PAG1: variants seen among roughly 807,000 people sequenced by gnomAD.
PAG1 encodes phosphoprotein associated with glycosphingolipid-enriched microdomains 1.
PAG1 carries 23 observed loss-of-function variants against 31.7 expected under a neutral mutation model. That is an observed-to-expected ratio of 0.73 (90% CI 0.52 to 1.03). The LOEUF is 1.03. PAG1 is among the 50% of genes least tolerant of loss of function. PAG1 has a pLI of 0.00. For missense variants in PAG1, 473 were observed against 540.7 expected, an observed-to-expected ratio of 0.87 and a Z score of 1.24; for synonymous variants, 214 against 210.3, an observed-to-expected ratio of 1.02 and a Z score of -0.15.
rs2130282676 is a variant in PAG1, at chr8:80,972,286, A to G, written c.*4258T>C. 6.6e-6 allele frequency: 1 copy of G among 152,308 alleles called. No individual in the cohort carries two copies. 9.4% of individuals were successfully genotyped at this position (152,308 alleles called of 1,614,324 possible). ...ACCAGAAATCAACACCTTCAGGAGA[A>G]TGGCATCACAAGATTGCATGGACTC... On this transcript the variant is annotated 3_prime_UTR_variant, in exon 9 of 9. Transcript: ENST00000220597.
intron 3 of PAG1, among the ~76,000 whole-genome samples, chr8:81,025,588 T>C (rs1808262100): frequency 6.6e-6 from 1 of 152,070 alleles, no homozygotes; most frequent in Non-Finnish European, 1.5e-5. Context: ...CCCAGGGCCA[T>C]GGTATGTCAA....
Position 81,052,747 on chromosome 8 carries a change from C to G in PAG1, c.-175+17365G>C, listed in dbSNP as rs147912848. On this transcript the variant is annotated intron_variant, in intron 2 of 8. Coordinates refer to ENST00000220597, the MANE Select transcript of PAG1 (RefSeq NM_018440.4). Reference sequence around the variant, plus strand: ...AACAAACCCAAATCCCTGTGCTACACAAAAGCTAATGTCTTTGCTCAGAGG... The same window carrying G: ...AACAAACCCAAATCCCTGTGCTACAGAAAAGCTAATGTCTTTGCTCAGAGG... 2.1e-3 allele frequency among the ~76,000 whole-genome samples: 317 copies of G among 152,326 alleles called. 3 individuals carry two copies. Among genetic ancestry groups the G allele is most frequent in the African/African-American group, 7.0e-3 (289 of 41,572 alleles).
At chr8:81,104,337 T>C (rs372561561) in intron 1 of PAG1, among the ~76,000 whole-genome samples, 8 of 152,078 alleles carry the variant, frequency 5.3e-5, no homozygotes, top group Middle Eastern at 3.4e-3. Flanking sequence ...TCTTGCTTAA[T>C]CTTACTATGC....
chr8:81,009,487 AT>A (rs1807942987), intron 3 of PAG1, among the ~76,000 whole-genome samples: 1 of 152,268 alleles, frequency 6.6e-6, no homozygotes, highest in Non-Finnish European at 1.5e-5. Context: ...TCTAAAAAAA[AT>A]AATGAAGTAT....
chr8:81,085,913 ATC>A (rs1436882367), intron 1 of PAG1, among the ~76,000 whole-genome samples: 1 of 144,426 alleles, frequency 6.9e-6, no homozygotes, highest in Non-Finnish European at 1.5e-5. Context: ...TTGGTTTAGG[ATC>A]TTTTTCATAC....
rs73692527 is a variant in PAG1, at chr8:80,991,348, C to A, written c.177+131G>T. The A allele has an allele frequency of 2.2e-3, 1,601 of 716,130 alleles. 18 individuals carry two copies. In the African/African-American group the frequency reaches 0.025, roughly 11 times the overall value. 44.4% of individuals were successfully genotyped at this position (716,130 alleles called of 1,614,324 possible). A position where few individuals can be genotyped will look rare whatever the true frequency, so the allele number is the denominator to read the frequency against. ...ACTACTGCATCCATTTCAGAAGCCA[C>A]CGTTTAACTTAGGCTTAGCTCTCCC... is the stretch of plus-strand genomic sequence containing the variant. On this transcript the variant is annotated intron_variant, in intron 5 of 8. Transcript: ENST00000220597.
intron 1 of PAG1, among the ~76,000 whole-genome samples, chr8:81,078,063 C>T (rs1348689291): frequency 6.6e-6 from 1 of 152,180 alleles, no homozygotes; most frequent in Non-Finnish European, 1.5e-5. Flanking sequence ...CAGCAAATGT[C>T]TTGAGGTACA....
In PAG1 at chr8:81,021,518, A is replaced by ATG. The variant is rs59502689; in HGVS notation, c.-81+8476_-81+8477dup. On this transcript the variant is annotated intron_variant, in intron 3 of 8. Coordinates refer to ENST00000220597, the MANE Select transcript of PAG1 (RefSeq NM_018440.4). The stretch of plus-strand genomic sequence containing the variant: ...TTACTTCAAGTGTGTGTGTGTGTGC[A>ATG]TGTGTGTGTGTGTGTGTGTGTGCCT... 8.8e-3 allele frequency among the ~76,000 whole-genome samples: 1,230 copies of ATG among 139,666 alleles called. 5 individuals are homozygous for ATG. Among genetic ancestry groups the ATG allele is most frequent in the East Asian group, 0.02 (98 of 4,824 alleles). 91.6% of individuals were successfully genotyped at this position (139,666 alleles called of 152,430 possible). A position where few individuals can be genotyped will look rare whatever the true frequency, so the allele number is the denominator to read the frequency against.
chr8:80,976,805 C>G lies in PAG1; in HGVS notation c.1038G>C (p.Gly346=). 1.9e-6 allele frequency: 3 copies of G among 1,614,038 alleles called. No individual in the cohort carries two copies. Among genetic ancestry groups the G allele is most frequent in the Non-Finnish European group, 2.5e-6 (3 of 1,179,952 alleles). The change falls in exon 9 of 9, where the codon GGG becomes GGC. Residue 346 remains glycine (G), a synonymous_variant. Coordinates refer to ENST00000220597, the MANE Select transcript of PAG1 (RefSeq NM_018440.4). The part of the protein sequence containing the change: ...VPESTYTSIQ[G]DPQRSPSSCN... ...AGGAGGAGGGTGACCTCTGTGGGTC[C>G]CCTTGAATGGAGGTGTAGGTGGACT...
intron 2 of PAG1, among the ~76,000 whole-genome samples, chr8:81,058,127 A>G (rs1167453544): frequency 6.6e-6 from 1 of 152,164 alleles, no homozygotes; most frequent in East Asian, 1.9e-4. Context: ...GTTTGGTGAG[A>G]GATTTCTTTG....
Position 81,102,797 on chromosome 8 carries a change from T to C in PAG1, c.-234+8794A>G, listed in dbSNP as rs145774984. On this transcript the variant is annotated intron_variant, in intron 1 of 8. Coordinates refer to ENST00000220597, the MANE Select transcript of PAG1 (RefSeq NM_018440.4). ...TTTTACATTGCTTACCGAAGACAAA[T>C]GCTTTAACACTTTGGCATTAAATGA... is the stretch of plus-strand genomic sequence containing the variant. 1.0e-3 allele frequency among the ~76,000 whole-genome samples: 153 copies of C among 152,320 alleles called. 2 individuals carry two copies. Among genetic ancestry groups the C allele is most frequent in the African/African-American group, 3.6e-3 (148 of 41,574 alleles).
chr8:80,977,310 C>T (rs1364795166), intron 8 of PAG1, among the ~76,000 whole-genome samples: 6 of 152,180 alleles, frequency 3.9e-5, no homozygotes, highest in Non-Finnish European at 4.4e-5. Flanking sequence ...CATAGTAGAC[C>T]GGTGATTCTC....
intron 2 of PAG1, among the ~76,000 whole-genome samples, chr8:81,067,196 G>A (rs1205818089): frequency 6.6e-6 from 1 of 152,120 alleles, no homozygotes; most frequent in East Asian, 1.9e-4. Flanking sequence ...ATGTTTGCCT[G>A]GGAAAAATTC....
At chr8:81,085,379 GA>G (rs2131033482) in intron 1 of PAG1, among the ~76,000 whole-genome samples, 1 of 152,178 alleles carries the variant, frequency 6.6e-6, no homozygotes, top group Non-Finnish European at 1.5e-5. Flanking sequence ...ACCCTAGAAA[GA>G]AAACTAAACA....
intron 3 of PAG1, among the ~76,000 whole-genome samples, chr8:81,001,062 G>C (rs1807776759): frequency 6.6e-6 from 1 of 152,176 alleles, no homozygotes; most frequent in East Asian, 1.9e-4. Context: ...TTTTTCATCT[G>C]ACAAATCTAA....
At chr8:81,071,882 G>C (rs779691055) in intron 1 of PAG1, among the ~76,000 whole-genome samples, 1 of 152,204 alleles carries the variant, frequency 6.6e-6, no homozygotes, top group Non-Finnish European at 1.5e-5. Context: ...CAAAACCCAA[G>C]CCCCTGGCAT....
At position 80,985,344 on chromosome 8, in the gene PAG1, T is replaced by G; in HGVS notation, c.308A>C (p.Gln103Pro). Reference sequence around the variant, plus strand: ...CGATGTCTGGACTTCCTCGTAATGCTGCATGCAGGTCAGAGTACTGTCCTC... The same window carrying G: ...CGATGTCTGGACTTCCTCGTAATGCGGCATGCAGGTCAGAGTACTGTCCTC... ...LSEDSTLTCMQHYEEVQTSAS... is the reference protein window; with the variant it reads ...LSEDSTLTCMPHYEEVQTSAS... Residue 103 changes from glutamine (Q) to proline (P), a missense_variant, in exon 7 of 9, where the codon CAG becomes CCG. Gln to Pro is a moderately conservative substitution (Grantham distance 76, BLOSUM62 -1). Coordinates refer to ENST00000220597, the MANE Select transcript of PAG1 (RefSeq NM_018440.4). 1.2e-6 allele frequency: 2 copies of G among 1,614,084 alleles called. No individual in the cohort carries two copies. Among genetic ancestry groups the G allele is most frequent in the Non-Finnish European group, 1.7e-6 (2 of 1,179,956 alleles).
At chr8:81,044,588 T>C (rs771346186) in intron 2 of PAG1, among the ~76,000 whole-genome samples, 3 of 152,168 alleles carry the variant, frequency 2.0e-5, no homozygotes, top group Non-Finnish European at 4.4e-5. Context: ...ATTTCTACTG[T>C]TCTAAGCCAC....
At chr8:80,979,848 A>G (rs1807262009) in intron 8 of PAG1, among the ~76,000 whole-genome samples, 1 of 152,158 alleles carries the variant, frequency 6.6e-6, no homozygotes, top group Admixed American at 6.5e-5. Flanking sequence ...ACTGGCTTTA[A>G]CAATTTTAAT....
Sources: allele counts gnomAD v4.1 joint callset (sites outside exome capture counted in the v4.1 genomes callset), GRCh38; gene constraint gnomAD v4.1.1; transcripts MANE v1.5; gene names NCBI Gene and HGNC (gene_info 2026-07-23, HGNC 2026-07-21).